STK3: variants seen among roughly 807,000 people sequenced by gnomAD.
The protein encoded by STK3 is serine/threonine-protein kinase 3.
A neutral mutation model predicts 58.0 loss-of-function variants in STK3; 41 were observed. The ratio of observed to expected loss-of-function variants is 0.71; its 90% CI spans 0.55 to 0.92. STK3 has a LOEUF of 0.92. STK3 is among the 40% of genes least tolerant of loss of function. The pLI, the probability that STK3 is intolerant of heterozygous loss-of-function variation, is 0.00. For synonymous variants in STK3, 170 were observed against 191.0 expected (o/e 0.89, Z 0.91); for missense variants, 479 against 602.7 (o/e 0.79, Z 2.15).
intron 6 of STK3, among the ~76,000 whole-genome samples, chr8:98,683,007 T>C (rs1459080048): frequency 1.3e-5 from 2 of 152,014 alleles, no homozygotes; most frequent in Admixed American, 1.3e-4. Context: ...TCCACACAAT[T>C]GCTTTTAAGA....
At chr8:98,845,447 T>C (rs187310883) in intron 3 of STK3, among the ~76,000 whole-genome samples, 1 of 152,334 alleles carries the variant, frequency 6.6e-6, no homozygotes, top group East Asian at 1.9e-4. Context: ...GAGAATGCCA[T>C]TCTTTTGACA....
intron 4 of STK3, among the ~76,000 whole-genome samples, chr8:98,721,967 T>C (rs972878693): frequency 6.6e-6 from 1 of 152,124 alleles, no homozygotes; most frequent in African/African-American, 2.4e-5. Context: ...GGGGCTCCAA[T>C]CTAGCAGGAA....
At position 98,526,903 on chromosome 8, in the gene STK3, G is replaced by A. The variant is rs142241647; in HGVS notation, c.1156C>T (p.Pro386Ser). Reference sequence around the variant, plus strand: ...ATGAAAGATGGTCTTTGTACTTGTGGTGAGGTTGCATTTCCTTAGGTAAAC... The same window carrying A: ...ATGAAAGATGGTCTTTGTACTTGTGATGAGGTTGCATTTCCTTAGGTAAAC... ...DGTMKRNATS[P>S]QVQRPSFMDY... is the part of the protein sequence containing the mutation. Residue 386 changes from proline (P) to serine (S), a missense_variant, in exon 10 of 11, where the codon CCA (proline) becomes TCA (serine). Physicochemically the swap from Pro to Ser is moderately conservative, Grantham distance 74. Transcript: ENST00000419617. The A allele has an allele frequency of 5.3e-5, 83 of 1,561,520 alleles. 1 individual carries two copies. In the African/African-American group the frequency reaches 8.5e-4, roughly 16 times the overall value.
chr8:98,382,714 C>T (rs1264474938), intron 1 of STK3, among the ~76,000 whole-genome samples: 3 of 152,162 alleles, frequency 2.0e-5, no homozygotes. Flanking sequence ...GGCCTGACAG[C>T]TCATCACATT....
chr8:98,767,619 G>C (rs956139906), intron 2 of STK3, among the ~76,000 whole-genome samples: 1 of 152,172 alleles, frequency 6.6e-6, no homozygotes, highest in Non-Finnish European at 1.5e-5. Context: ...ATGAATGAAA[G>C]AAACAGACTT....
chr8:98,766,998 G>A (rs1331300331), intron 3 of STK3, among the ~76,000 whole-genome samples: 2 of 152,116 alleles, frequency 1.3e-5, no homozygotes, highest in Non-Finnish European at 2.9e-5. Flanking sequence ...GCACATGACT[G>A]TAATCCCAGA....
At chr8:98,556,999 T>C (rs1172896496) in intron 8 of STK3, among the ~76,000 whole-genome samples, 1 of 152,084 alleles carries the variant, frequency 6.6e-6, no homozygotes, top group Non-Finnish European at 1.5e-5. Context: ...CAGTTATTTG[T>C]AATCAAAAAA....
At chr8:98,715,859 A>G (rs2131149597) in intron 4 of STK3, among the ~76,000 whole-genome samples, 1 of 152,354 alleles carries the variant, frequency 6.6e-6, no homozygotes, top group Non-Finnish European at 1.5e-5. Flanking sequence ...ACTATTCACA[A>G]TAGCAAAGAC....
At chr8:98,589,315 C>G (rs1056724081) in intron 7 of STK3, among the ~76,000 whole-genome samples, 7 of 152,190 alleles carry the variant, frequency 4.6e-5, no homozygotes, top group African/African-American at 9.7e-5. Context: ...TTCCTTCTAA[C>G]AGACAGGACC....
chr8:98,794,740 T>C (rs1833018078), intron 1 of STK3, among the ~76,000 whole-genome samples: 1 of 152,030 alleles, frequency 6.6e-6, no homozygotes, highest in African/African-American at 2.4e-5. Flanking sequence ...ATATCCCTGA[T>C]GAACATAAGA....
At chr8:98,646,800 C>T (rs537335370) in intron 6 of STK3, among the ~76,000 whole-genome samples, 1 of 152,180 alleles carries the variant, frequency 6.6e-6, no homozygotes, top group East Asian at 1.9e-4. Flanking sequence ...AAAATATATC[C>T]AAAACCTGAT....
intron 4 of STK3, among the ~76,000 whole-genome samples, chr8:98,718,492 C>T (rs1827183097): frequency 1.3e-5 from 2 of 152,152 alleles, no homozygotes; most frequent in African/African-American, 4.8e-5. Flanking sequence ...AGAAAGCAAG[C>T]ACCATACTCT....
intron 7 of STK3, among the ~76,000 whole-genome samples, chr8:98,592,387 T>C (rs938717324): frequency 6.6e-6 from 1 of 152,260 alleles, no homozygotes; most frequent in African/African-American, 2.4e-5. Flanking sequence ...ATGAGGTATC[T>C]GTGATTACCA....
chr8:98,653,741 G>A (rs2130732194), intron 6 of STK3, among the ~76,000 whole-genome samples: 1 of 152,254 alleles, frequency 6.6e-6, no homozygotes, highest in East Asian at 1.9e-4. Flanking sequence ...AGAAGAAATG[G>A]ATAAATTCCT....
At chr8:98,840,883 G>C (rs1441012134) in intron 3 of STK3, among the ~76,000 whole-genome samples, 3 of 151,938 alleles carry the variant, frequency 2.0e-5, no homozygotes, top group African/African-American at 7.3e-5. Context: ...TGATGGCCAG[G>C]GCCATAGTCA....
intron 1 of STK3, chr8:98,779,032 AT>A (rs1831915479): frequency 6.6e-6 from 1 of 150,628 alleles, no homozygotes; most frequent in Non-Finnish European, 1.5e-5. Context: ...AAGTATAATA[AT>A]AATAAAATAA....
chr8:98,451,594 GA>G (rs1387539586), downstream of STK3, among the ~76,000 whole-genome samples: 3 of 152,194 alleles, frequency 2.0e-5, no homozygotes, highest in Non-Finnish European at 4.4e-5. Context: ...AGAAGAGCAT[GA>G]AGTAGGAATT....
At chr8:98,533,185 T>C (rs1307022991) in intron 9 of STK3, among the ~76,000 whole-genome samples, 1 of 152,176 alleles carries the variant, frequency 6.6e-6, no homozygotes, top group Non-Finnish European at 1.5e-5. Context: ...TGAACATGAG[T>C]ATAGAAATAC....
intron 1 of STK3, among the ~76,000 whole-genome samples, chr8:98,387,949 C>G (rs1262132329): frequency 6.8e-6 from 1 of 147,650 alleles, no homozygotes; most frequent in Non-Finnish European, 1.5e-5. Flanking sequence ...ATAGCAAAGA[C>G]TATGGCAATC....
Sources: gnomAD v4.1 joint callset for allele counts (sites outside exome capture counted in the v4.1 genomes callset) on GRCh38, gnomAD v4.1.1 for gene constraint, MANE v1.5 for transcripts, NCBI Gene and HGNC (gene_info 2026-07-23, HGNC 2026-07-21) for gene names.